The following PC variants were observed in gnomAD, a reference collection of about 807,000 sequenced individuals.
The protein encoded by PC is pyruvate carboxylase.
PC carries 46 observed loss-of-function variants against 107.8 expected under a neutral mutation model. The observed-to-expected ratio is 0.43, with a 90% CI of 0.34 to 0.55. The LOEUF (loss-of-function observed/expected upper bound fraction) is 0.55, where lower values mean the gene tolerates loss of function less well. PC is among the 20% of genes least tolerant of loss of function. The probability of loss-of-function intolerance (pLI) is 0.04; values close to 1 mark genes in which losing one functional copy is unlikely to be tolerated. For missense variants in PC, 1,241 were observed against 1,643.1 expected (o/e 0.76, Z 4.23); for synonymous variants, 662 against 684.7 (o/e 0.97, Z 0.52).
intron 9 of PC, among the ~76,000 whole-genome samples, chr11:66,869,288 C>T (rs746109106): frequency 3.3e-5 from 5 of 151,890 alleles, no homozygotes; most frequent in East Asian, 1.9e-4. Flanking sequence ...TGGGCTTGCC[C>T]GCCAAGGCTG....
At chr11:66,872,423 C>A (rs189175455) in intron 3 of PC, among the ~76,000 whole-genome samples, 3 of 152,116 alleles carry the variant, frequency 2.0e-5, no homozygotes, top group African/African-American at 7.2e-5. Flanking sequence ...CTAGGCTGGT[C>A]GCAAATGATC....
At chr11:66,887,833 G>A (rs1320253654) in intron 3 of PC, among the ~76,000 whole-genome samples, 1 of 152,222 alleles carries the variant, frequency 6.6e-6, no homozygotes, top group Non-Finnish European at 1.5e-5. Context: ...TTCAGTTTGG[G>A]AGGTCAAAAA....
intron 3 of PC, among the ~76,000 whole-genome samples, chr11:66,884,117 G>A (rs1164456041): frequency 6.6e-6 from 1 of 151,952 alleles, no homozygotes. Flanking sequence ...GGTGGCACAC[G>A]CCTGTAATCC....
At chr11:66,933,667 C>T (rs187517854) in intron 3 of PC, among the ~76,000 whole-genome samples, 18 of 152,236 alleles carry the variant, frequency 1.2e-4, no homozygotes, top group African/African-American at 3.9e-4. Flanking sequence ...TTCTGTGACA[C>T]TTTATATTTG....
At position 66,866,044 on chromosome 11, in the gene PC, G is replaced by C; in HGVS notation, c.1185+143C>G. The C allele has an allele frequency of 1.1e-6, 1 of 930,994 alleles. No homozygotes were observed. The allele number at this position is 930,994 out of a possible 1,614,324, so 57.7% of individuals were successfully genotyped here. A position where few individuals can be genotyped will look rare whatever the true frequency, so the allele number is the denominator to read the frequency against. On this transcript the variant is annotated intron_variant, in intron 11 of 22. Transcript: ENST00000393960. The surrounding 1 kb of genome is among the most constrained non-coding windows in gnomAD (Gnocchi z 5.4). The stretch of plus-strand genomic sequence containing the variant: ...CCTCCTCTGGGCACTGCCTGCCTCC[G>C]TGTACTCTATGTCCACTTCAGAGCC...
intron 3 of PC, among the ~76,000 whole-genome samples, chr11:66,946,359 A>G (rs946746336): frequency 6.6e-6 from 1 of 151,696 alleles, no homozygotes; most frequent in Non-Finnish European, 1.5e-5. Flanking sequence ...GGCCAGGTGC[A>G]GTGGCTCATG....
rs1342042607 is a variant in PC, at chr11:66,850,916, GC to G, written c.2230del (p.Ala744ProfsTer4). On this transcript the variant is annotated frameshift_variant, in exon 18 of 23. Transcript: ENST00000393960. LOFTEE classifies it high-confidence loss of function. ...GTHILCIKDM[A>X]GLLKPTACTM... ...GCAGGCCGTGGGCTTCAGCAGCCCGGCCATGTCCTGGGGGAAGTGGGAGAGA... is the reference window on the plus strand; with the variant it reads ...GCAGGCCGTGGGCTTCAGCAGCCCGGCATGTCCTGGGGGAAGTGGGAGAGA... 6.2e-7 allele frequency: 1 copy of G among 1,608,812 alleles called. No homozygotes were observed. Among genetic ancestry groups the G allele is most frequent in the Non-Finnish European group, 8.5e-7 (1 of 1,179,944 alleles).
rs528214300 is a variant in PC at position 66,891,497 on chromosome 11, G to C, written c.1-19338C>G. ...CAACCTCCGCCTCCCGGGTTCGAGC[G>C]ATTCTCCAGCCTCAGCCTCCCGAGT... On this transcript the variant is annotated intron_variant, in intron 3 of 22. Coordinates refer to ENST00000393960, the MANE Select transcript of PC (RefSeq NM_001040716.2). Among the ~76,000 whole-genome samples the C allele has an allele frequency of 1.6e-3, 237 of 152,140 alleles. 2 individuals carry two copies. Among genetic ancestry groups the C allele is most frequent in the Non-Finnish European group, 2.5e-4 (17 of 68,020 alleles).
rs1487315142 is a variant in PC at position 66,945,424 on chromosome 11, G to GT, written c.-1+7005_-1+7006insA. ...TAACTGAATTCAAATGGTTTGGGGG[G>GT]GCGGGTCGGAACTGCAGAGTTACAT... is the stretch of plus-strand genomic sequence containing the variant. On this transcript the variant is annotated intron_variant, in intron 3 of 22. Coordinates refer to ENST00000393960, the MANE Select transcript of PC (RefSeq NM_001040716.2). Among the ~76,000 whole-genome samples, 3 of 96,660 alleles carry GT rather than the reference G, an allele frequency of 3.1e-5. 1 individual carries two copies. Among genetic ancestry groups the GT allele is most frequent in the South Asian group, 3.1e-4 (1 of 3,200 alleles). The allele number at this position is 96,660 out of a possible 152,430, so 63.4% of individuals were successfully genotyped here.
rs771714743 is a variant in PC at position 66,851,291 on chromosome 11, G to A, written c.1983-11C>T. 3.8e-6 allele frequency: 6 copies of A among 1,599,930 alleles called. No individual in the cohort carries two copies. The highest frequency in any genetic ancestry group is 5.1e-6 in the Non-Finnish European group (6 of 1,179,938). On this transcript the variant is annotated splice_polypyrimidine_tract_variant and intron_variant, in intron 16 of 22. Coordinates refer to ENST00000393960, the MANE Select transcript of PC (RefSeq NM_001040716.2). ...GCCACTTCACAGAACCTGCAAGGGT[G>A]AGAGAGCCCAGGGCTGAGCCCCACC...
intron 3 of PC, among the ~76,000 whole-genome samples, chr11:66,873,525 T>TA (rs1555028683): frequency 5.2e-4 from 35 of 67,338 alleles, no homozygotes; most frequent in African/African-American, 1.5e-3. Flanking sequence ...ATATTATATA[T>TA]TATAATATAT....
Position 66,850,287 on chromosome 11 carries a change from C to G in PC, c.2651G>C (p.Gly884Ala), listed in dbSNP as rs1227908714. The G allele has an allele frequency of 1.2e-6, 2 of 1,614,128 alleles. No individual in the cohort carries two copies. The highest frequency in any genetic ancestry group is 1.1e-5 in the South Asian group (1 of 91,092). The part of the protein sequence containing the change: ...LHFQAHSMGL[G>A]SKFKEVKKAY... ...CTTCTTGACCTCCTTGAACTTGGAG[C>G]CAAGCCCCATGCTGTGGGCCTGGAA... The change falls in exon 19 of 23, where the codon GGC (glycine) becomes GCC (alanine). Residue 884 changes from glycine (G) to alanine (A), a missense_variant. Gly to Ala is a moderately conservative substitution (Grantham distance 60, BLOSUM62 0). Around this residue, in one of 2 missense-constraint regions of PC, gnomAD observed 1,143 missense variants for 1,551.9 expected, o/e 0.74. Transcript: ENST00000393960.
At chr11:66,853,691 A>G (rs1042443976) in intron 12 of PC, among the ~76,000 whole-genome samples, 1 of 152,168 alleles carries the variant, frequency 6.6e-6, no homozygotes, top group African/African-American at 2.4e-5. Context: ...AGCGTGGCCC[A>G]CAGCAGTCAC....
intron 3 of PC, among the ~76,000 whole-genome samples, chr11:66,929,306 C>T (rs913756131): frequency 1.3e-5 from 2 of 152,104 alleles, no homozygotes; most frequent in African/African-American, 4.8e-5. Context: ...ATCCAGCAAC[C>T]CCTGAGAATG....
intron 3 of PC, among the ~76,000 whole-genome samples, chr11:66,923,313 G>A (rs573583754): frequency 1.5e-4 from 22 of 147,724 alleles, no homozygotes; most frequent in African/African-American, 5.5e-4. Context: ...AGTGAGCCAA[G>A]ATTGCGCCAC....
At chr11:66,864,512 C>A (rs937928351) in intron 11 of PC, among the ~76,000 whole-genome samples, 8 of 152,250 alleles carry the variant, frequency 5.3e-5, no homozygotes, top group African/African-American at 1.9e-4. Flanking sequence ...TGGGGAAGGC[C>A]TCAACATCCA....
intron 3 of PC, among the ~76,000 whole-genome samples, chr11:66,873,623 T>C (rs899627157): frequency 7.2e-6 from 1 of 139,596 alleles, no homozygotes; most frequent in Non-Finnish European, 1.5e-5. Flanking sequence ...GCAAAGAGGC[T>C]TCAGAGGTTG....
At chr11:66,955,172 T>C (rs1949530458) in intron 1 of PC, among the ~76,000 whole-genome samples, 1 of 152,112 alleles carries the variant, frequency 6.6e-6, no homozygotes, top group Non-Finnish European at 1.5e-5. Flanking sequence ...AAACACTCAT[T>C]AGGCACCTAC....
Position 66,945,825 on chromosome 11 carries a change from G to A in PC, c.-1+6605C>T, listed in dbSNP as rs1335381142. 3.0e-5 allele frequency among the ~76,000 whole-genome samples: 4 copies of A among 135,386 alleles called. 1 individual carries two copies. Among genetic ancestry groups the A allele is most frequent in the East Asian group, 4.4e-4 (2 of 4,520 alleles). 88.8% of individuals were successfully genotyped at this position (135,386 alleles called of 152,430 possible). Reference sequence around the variant, plus strand: ...AATCTGGCCGGGCGCGGTGGCTCACGCCTGTAATCCCAGCACTTTGGGAGG... The same window carrying A: ...AATCTGGCCGGGCGCGGTGGCTCACACCTGTAATCCCAGCACTTTGGGAGG... On this transcript the variant is annotated intron_variant, in intron 3 of 22. Coordinates refer to ENST00000393960, the MANE Select transcript of PC (RefSeq NM_001040716.2).
Sources: gnomAD v4.1 joint callset for allele counts (sites outside exome capture counted in the v4.1 genomes callset) on GRCh38, gnomAD v4.1.1 for gene constraint, gnomAD v4.1.1 regional missense constraint, Gnocchi (gnomAD v3.1) non-coding constraint, MANE v1.5 for transcripts, NCBI Gene and HGNC (gene_info 2026-07-23, HGNC 2026-07-21) for gene names.